Variants in SLC2A2 observed in about 807,000 individuals in gnomAD.
The protein encoded by SLC2A2 is solute carrier family 2, facilitated glucose transporter member 2.
Under a neutral mutation model 54.5 loss-of-function variants are expected in SLC2A2, and 36 were observed. The ratio of observed to expected loss-of-function variants is 0.66; its 90% confidence interval spans 0.51 to 0.87. SLC2A2 has a LOEUF of 0.87. SLC2A2 is among the 40% of genes least tolerant of loss of function. The pLI is 0.00. For synonymous variants in SLC2A2, 223 were observed against 219.1 expected (o/e 1.02, Z -0.16); for missense variants, 543 against 624.3 (o/e 0.87, Z 1.39).
At chr3:170,999,715 A>G (rs1715260477) in intron 8 of SLC2A2, among the ~76,000 whole-genome samples, 1 of 152,048 alleles carries the variant, frequency 6.6e-6, no homozygotes, top group Non-Finnish European at 1.5e-5. Context: ...ACCTAGCAAC[A>G]TGTGGAATTT....
At chr3:171,013,492 A>C (rs1040704125) in intron 3 of SLC2A2, among the ~76,000 whole-genome samples, 3 of 152,090 alleles carry the variant, frequency 2.0e-5, no homozygotes, top group Non-Finnish European at 2.9e-5. Flanking sequence ...AAGAAAACTT[A>C]TAGTCATATT....
chr3:170,999,320 T>TG (rs894347632), intron 8 of SLC2A2, among the ~76,000 whole-genome samples, 154 bp from the exon 9 acceptor site: 3 of 152,024 alleles, frequency 2.0e-5, no homozygotes, highest in African/African-American at 7.2e-5. Flanking sequence ...GAGATCAAGG[T>TG]GGGGAGTGAC....
chr3:171,016,127 A>G (rs1716140902), intron 2 of SLC2A2, among the ~76,000 whole-genome samples: 1 of 152,178 alleles, frequency 6.6e-6, no homozygotes, highest in African/African-American at 2.4e-5. Flanking sequence ...CTCTTATAAA[A>G]GAAGTCTGAT....
rs1457535236 is a variant in SLC2A2, at chr3:170,996,434, T to C, written c.*1469A>G. 2 of 392,766 alleles carry C rather than the reference T, an allele frequency of 5.1e-6. No homozygotes were observed. Among genetic ancestry groups the C allele is most frequent in the Non-Finnish European group, 9.0e-6 (2 of 222,628 alleles). 24.3% of individuals were successfully genotyped at this position (392,766 alleles called of 1,614,324 possible). A position where few individuals can be genotyped will look rare whatever the true frequency, so the allele number is the denominator to read the frequency against. On this transcript the variant is annotated 3_prime_UTR_variant, in exon 11 of 11. Coordinates refer to ENST00000314251, the MANE Select transcript of SLC2A2 (RefSeq NM_000340.2). ...AAACAAAGCAAATGTTCAGTGGTTTTTAATTATTTCACTCTTAAAGAGTAC... is the reference window on the plus strand; with the variant it reads ...AAACAAAGCAAATGTTCAGTGGTTTCTAATTATTTCACTCTTAAAGAGTAC...
chr3:171,021,442 G>A (rs756481691), intron 1 of SLC2A2, among the ~76,000 whole-genome samples: 10 of 152,158 alleles, frequency 6.6e-5, no homozygotes, highest in Non-Finnish European at 1.0e-4. Flanking sequence ...TTCTATTGCT[G>A]CCGTAACAAA....
intron 10 of SLC2A2, 40 bp from the exon 11 acceptor site, chr3:170,998,143 T>C (rs1374630259): frequency 6.2e-7 from 1 of 1,613,370 alleles, no homozygotes; most frequent in South Asian, 1.1e-5. Flanking sequence ...TTAGCAGTTT[T>C]TTGACCCTCT....
At chr3:171,013,981 C>A (rs1716010128) in intron 3 of SLC2A2, among the ~76,000 whole-genome samples, 1 of 144,842 alleles carries the variant, frequency 6.9e-6, no homozygotes, top group South Asian at 2.2e-4. Context: ...AACCGCATAA[C>A]AAATACATTG....
intron 1 of SLC2A2, among the ~76,000 whole-genome samples, chr3:171,021,436 A>G (rs577795020): frequency 2.0e-5 from 3 of 152,328 alleles, no homozygotes; most frequent in South Asian, 4.1e-4. Flanking sequence ...TTAGTTTTCT[A>G]TTGCTGCCGT....
chr3:171,002,515 C>A (rs907953194), intron 8 of SLC2A2, 61 bp downstream of exon 8: 3 of 1,070,542 alleles, frequency 2.8e-6, no homozygotes, highest in Non-Finnish European at 4.3e-6. Flanking sequence ...AAGTTCCCCA[C>A]CCCTCCTGCA....
intron 1 of SLC2A2, among the ~76,000 whole-genome samples, chr3:171,022,404 T>C (rs778659720): frequency 4.6e-5 from 7 of 152,212 alleles, no homozygotes; most frequent in Non-Finnish European, 8.8e-5. Flanking sequence ...CACAGAAATC[T>C]CAACCACATT....
chr3:171,019,045 ATATT>A (rs1435196225), intron 1 of SLC2A2, among the ~76,000 whole-genome samples: 2 of 148,844 alleles, frequency 1.3e-5, no homozygotes, highest in Admixed American at 1.4e-4. Flanking sequence ...TTATATATAT[ATATT>A]TGTTGATATG....
chr3:171,025,460 A>G (rs1716647958), intron 1 of SLC2A2, among the ~76,000 whole-genome samples: 1 of 152,108 alleles, frequency 6.6e-6, no homozygotes, highest in Non-Finnish European at 1.5e-5. Context: ...CTAAAGTACT[A>G]GTATAATCCC....
chr3:171,019,122 T>TAC (rs1370074886), intron 1 of SLC2A2, among the ~76,000 whole-genome samples: 6 of 5,880 alleles, frequency 1.0e-3, no homozygotes, highest in African/African-American at 2.3e-3. Flanking sequence ...TATATATATA[T>TAC]ACGTATGTAT....
At chr3:171,007,488 T>C (rs1369077935) in intron 4 of SLC2A2, 3 of 540,312 alleles carry the variant, frequency 5.6e-6, no homozygotes, top group South Asian at 2.2e-5. Flanking sequence ...TGCTTAGTCA[T>C]GTATTTGACA....
intron 2 of SLC2A2, among the ~76,000 whole-genome samples, chr3:171,015,331 A>G (rs945418118): frequency 2.6e-5 from 4 of 152,044 alleles, no homozygotes; most frequent in African/African-American, 9.7e-5. Flanking sequence ...TTACCCAGGC[A>G]TGGTGGCACA....
chr3:171,005,540 A>G, intron 6 of SLC2A2, 68 bp from the exon 7 acceptor site: 2 of 1,273,650 alleles, frequency 1.6e-6, no homozygotes, highest in Non-Finnish European at 2.3e-6. Flanking sequence ...TTTTATGTTA[A>G]TGAAAGAGCT....
intron 6 of SLC2A2, among the ~76,000 whole-genome samples, chr3:171,005,673 A>G (rs1483705706): frequency 1.3e-5 from 2 of 152,048 alleles, no homozygotes; most frequent in Non-Finnish European, 1.5e-5. Context: ...ATCTTATGAC[A>G]AATAAAACTA....
intron 6 of SLC2A2, 31 bp from the exon 7 acceptor site, chr3:171,005,503 C>T: frequency 6.3e-7 from 1 of 1,574,884 alleles, no homozygotes; most frequent in Non-Finnish European, 8.7e-7. Context: ...GTTGAAACAA[C>T]TCAGGCCAAA....
At position 170,996,825 on chromosome 3, in the gene SLC2A2, A is replaced by G. The variant is rs1576821048; in HGVS notation, c.*1078T>C. On this transcript the variant is annotated 3_prime_UTR_variant, in exon 11 of 11. Coordinates refer to ENST00000314251, the MANE Select transcript of SLC2A2 (RefSeq NM_000340.2). ...TAAAACAATCAGTCTTTCCAGGAAA[A>G]TTAAATAGGGATTTTGATAAAAGTC... The G allele has an allele frequency of 2.5e-6, 1 of 393,314 alleles. No homozygotes were observed. The highest frequency in any genetic ancestry group is 3.6e-5 in the East Asian group (1 of 27,916). 24.4% of individuals were successfully genotyped at this position (393,314 alleles called of 1,614,324 possible).
Sources: gnomAD v4.1 joint callset for allele counts (sites outside exome capture counted in the v4.1 genomes callset) on GRCh38, gnomAD v4.1.1 for gene constraint, MANE v1.5 for transcripts, NCBI Gene and HGNC (gene_info 2026-07-23, HGNC 2026-07-21) for gene names.